The following PDGFRL variants were observed in gnomAD, a reference collection of about 807,000 sequenced individuals.
PDGFRL encodes the protein platelet-derived growth factor receptor-like protein.
Under a neutral mutation model 37.2 loss-of-function variants are expected in PDGFRL, and 46 were observed. The ratio of observed to expected loss-of-function variants is 1.24; its 90% confidence interval spans 0.98 to 1.58. The LOEUF (loss-of-function observed/expected upper bound fraction) is 1.58, where lower values mean the gene tolerates loss of function less well. PDGFRL is among the 40% of genes most tolerant of loss of function. The pLI, the probability that PDGFRL is intolerant of heterozygous loss-of-function variation, is 0.00. For missense variants in PDGFRL, 692 were observed against 467.6 expected (o/e 1.48, Z -4.43); for synonymous variants, 251 against 184.3 (o/e 1.36, Z -2.93).
chr8:17,599,173 C>T, intron 2 of PDGFRL, among the ~76,000 whole-genome samples: 1 of 152,122 alleles, frequency 6.6e-6, no homozygotes, highest in East Asian at 1.9e-4. Context: ...TATTGAGGTA[C>T]AGGTGGCATT....
chr8:17,599,861 A>G (rs1217684102), intron 2 of PDGFRL, among the ~76,000 whole-genome samples: 1 of 152,136 alleles, frequency 6.6e-6, no homozygotes, highest in African/African-American at 2.4e-5. Flanking sequence ...TTTCCCTCCT[A>G]AGGCCAAAGC....
intron 2 of PDGFRL, among the ~76,000 whole-genome samples, chr8:17,598,112 A>T (rs910424667): frequency 1.3e-5 from 2 of 152,224 alleles, no homozygotes; most frequent in African/African-American, 4.8e-5. Flanking sequence ...CAATTTACTC[A>T]ATAAGGATAA....
intron 2 of PDGFRL, among the ~76,000 whole-genome samples, chr8:17,606,456 G>A (rs919431925): frequency 2.0e-5 from 3 of 152,110 alleles, no homozygotes; most frequent in Non-Finnish European, 2.9e-5. Context: ...AAAAGGAAAC[G>A]CCACCCCCAA....
At chr8:17,633,450 C>G (rs887794960) in intron 4 of PDGFRL, among the ~76,000 whole-genome samples, 12 of 152,134 alleles carry the variant, frequency 7.9e-5, no homozygotes, top group African/African-American at 2.9e-4. Flanking sequence ...ATGGTGTGAA[C>G]CCGGGAGGCA....
chr8:17,616,054 G>A (rs1320906830), intron 2 of PDGFRL, among the ~76,000 whole-genome samples: 2 of 152,230 alleles, frequency 1.3e-5, no homozygotes, highest in African/African-American at 4.8e-5. Flanking sequence ...AAGAGTAGGT[G>A]AAGCCAGACT....
At chr8:17,604,926 C>A (rs1167429309) in intron 2 of PDGFRL, among the ~76,000 whole-genome samples, 3 of 152,024 alleles carry the variant, frequency 2.0e-5, no homozygotes, top group African/African-American at 7.2e-5. Context: ...CCAGCTTGGG[C>A]AACATGGCAA....
At chr8:17,628,372 C>A in intron 3 of PDGFRL, 115 bp from the exon 4 acceptor site, 2 of 726,258 alleles carry the variant, frequency 2.8e-6, no homozygotes, top group South Asian at 3.5e-5. Flanking sequence ...AAAGAAAACC[C>A]GGCCTTTCCT....
chr8:17,593,446 A>AC (rs372195962), intron 2 of PDGFRL, among the ~76,000 whole-genome samples: 5,752 of 149,464 alleles, frequency 0.038, 127 homozygotes, highest in Middle Eastern at 0.15. Flanking sequence ...GGAAAAAAAA[A>AC]ATTTAACCTG....
chr8:17,639,269 T>G (rs1230640855), intron 5 of PDGFRL, among the ~76,000 whole-genome samples: 1 of 152,174 alleles, frequency 6.6e-6, no homozygotes, highest in Non-Finnish European at 1.5e-5. Flanking sequence ...TCAACATTAG[T>G]ATTCAGATGT....
chr8:17,622,439 C>T (rs1280812510), intron 3 of PDGFRL, among the ~76,000 whole-genome samples: 1 of 142,004 alleles, frequency 7.0e-6, no homozygotes, highest in Non-Finnish European at 1.5e-5. Context: ...TAGACATAGG[C>T]CTATGACCCA....
In PDGFRL at chr8:17,642,846, T is replaced by A. The variant is rs1554556799; in HGVS notation, c.*45T>A. The A allele has an allele frequency of 7.0e-6, 9 of 1,278,356 alleles. No individual in the cohort carries two copies. The highest frequency in any genetic ancestry group is 2.3e-6 in the Non-Finnish European group (2 of 884,482). The allele number at this position is 1,278,356 out of a possible 1,614,324, so 79.2% of individuals were successfully genotyped here. A position where few individuals can be genotyped will look rare whatever the true frequency, so the allele number is the denominator to read the frequency against. On this transcript the variant is annotated 3_prime_UTR_variant, in exon 6 of 6. Transcript: ENST00000251630. Reference sequence around the variant, plus strand: ...TGAACTTATGGAAAGCCCATTTGTGTACACAGTCAGCTTTGGGGTTCCTTT... The same window carrying A: ...TGAACTTATGGAAAGCCCATTTGTGAACACAGTCAGCTTTGGGGTTCCTTT...
At chr8:17,624,331 G>C (rs1804691765) in intron 3 of PDGFRL, among the ~76,000 whole-genome samples, 1 of 152,168 alleles carries the variant, frequency 6.6e-6, no homozygotes, top group African/African-American at 2.4e-5. Flanking sequence ...TTGTTAGTGT[G>C]CAGTTTGTGA....
Position 17,621,089 on chromosome 8 carries a change from T to C in PDGFRL, c.392T>C (p.Val131Ala). ...QNERYGQLTL[V>A]NSTSADTGEF... ...GAGCGCTACGGCCAGTTGACTCTGG[T>C]CAACTCCACCTCGGCAGACACAGGT... is the stretch of plus-strand genomic sequence containing the variant. Residue 131 changes from valine to alanine, a missense_variant, in exon 3 of 6, where the codon GTC (valine) becomes GCC (alanine). Val to Ala is a moderately conservative substitution (Grantham distance 64). Transcript: ENST00000251630. 1 of 1,611,520 alleles carries C rather than the reference T, an allele frequency of 6.2e-7. No homozygotes were observed. The highest frequency in any genetic ancestry group is 8.5e-7 in the Non-Finnish European group (1 of 1,178,330).
intron 3 of PDGFRL, among the ~76,000 whole-genome samples, chr8:17,622,667 C>T (rs749929931): frequency 3.3e-5 from 5 of 152,144 alleles, no homozygotes; most frequent in Admixed American, 6.5e-5. Flanking sequence ...CACACAGACA[C>T]TTAAAAGAGT....
At chr8:17,622,806 T>C (rs1225566093) in intron 3 of PDGFRL, among the ~76,000 whole-genome samples, 1 of 152,200 alleles carries the variant, frequency 6.6e-6, no homozygotes, top group Admixed American at 6.5e-5. Flanking sequence ...TAGGGCTGGG[T>C]TCCCTGTTTG....
intron 2 of PDGFRL, among the ~76,000 whole-genome samples, chr8:17,617,869 G>C (rs1388014798): frequency 1.3e-5 from 2 of 152,148 alleles, no homozygotes; most frequent in Non-Finnish European, 2.9e-5. Flanking sequence ...GCCCAGAGAA[G>C]ATGCGCAGTG....
chr8:17,640,651 C>A, intron 5 of PDGFRL, among the ~76,000 whole-genome samples: 1 of 152,142 alleles, frequency 6.6e-6, no homozygotes. Context: ...CCATGGATGC[C>A]AGCAGCTGCT....
chr8:17,613,012 C>T (rs1804453397), intron 2 of PDGFRL, among the ~76,000 whole-genome samples: 1 of 152,170 alleles, frequency 6.6e-6, no homozygotes. Flanking sequence ...ATTAACTTTG[C>T]ACCTAATCTA....
At chr8:17,578,654 G>A (rs1343712983) in intron 1 of PDGFRL, among the ~76,000 whole-genome samples, 1 of 152,150 alleles carries the variant, frequency 6.6e-6, no homozygotes, top group Non-Finnish European at 1.5e-5. Flanking sequence ...TTTCAAATCA[G>A]CCATTCCTTT....
Sources: allele counts gnomAD v4.1 joint callset (sites outside exome capture counted in the v4.1 genomes callset), GRCh38; gene constraint gnomAD v4.1.1; transcripts MANE v1.5; gene names NCBI Gene and HGNC (gene_info 2026-07-23, HGNC 2026-07-21).